Variants in MYO15A observed in about 807,000 individuals in gnomAD.
MYO15A encodes the protein unconventional myosin-XV.
A neutral mutation model predicts 394.6 loss-of-function variants in MYO15A; 308 were observed. That is an observed-to-expected ratio of 0.78 (90% CI 0.71 to 0.86). MYO15A has a LOEUF of 0.86. Ranked by LOEUF, MYO15A falls within the 40% of genes least tolerant of loss-of-function variation. MYO15A has a pLI of 0.00. For synonymous variants in MYO15A, 1,957 were observed against 2,003.8 expected (o/e 0.98, Z 0.62); for missense variants, 4,606 against 4,799.1 (o/e 0.96, Z 1.19).
chr17:18,141,276 C>A, intron 22 of MYO15A, 133 bp downstream of exon 22: 1 of 1,323,596 alleles, frequency 7.6e-7, no homozygotes, highest in African/African-American at 1.4e-5. Flanking sequence ...ACAAGGCTAC[C>A]ACATGCTAAC....
chr17:18,157,683 G>T, intron 50 of MYO15A, 39 bp from the exon 51 acceptor site: 5 of 1,602,108 alleles, frequency 3.1e-6, no homozygotes, highest in Non-Finnish European at 3.4e-6. Context: ...CACAAGACAA[G>T]ACCCTCCTGT....
Position 18,139,560 on chromosome 17 carries a change from C to G in MYO15A, c.5160C>G (p.His1720Gln), listed in dbSNP as rs769283348. 5.6e-5 allele frequency: 90 copies of G among 1,614,074 alleles called. No individual in the cohort carries two copies. The highest frequency in any genetic ancestry group is 1.1e-5 in the South Asian group (1 of 91,066). The change falls in exon 19 of 66, where the codon CAC (histidine) becomes CAG (glutamine). Residue 1720 changes from histidine (H) to glutamine (Q), a missense_variant. This residue lies in a region of MYO15A where 2,776 missense variants were observed against 3,109.3 expected (regional missense o/e 0.89). Coordinates refer to ENST00000647165, the MANE Select transcript of MYO15A (RefSeq NM_016239.4). ...YQVHKFLDKN[H>Q]DQVRQDVLDL... ...TGCACAAGTTCCTGGACAAGAACCA[C>G]GACCAAGTGCGCCAGGATGTGCTGG...
Position 18,171,742 on chromosome 17 carries a change from G to A in MYO15A, c.10187G>A (p.Ser3396Asn). The change falls in exon 63 of 66, where the codon AGC becomes AAC. Residue 3396 changes from serine to asparagine, a missense_variant. By Grantham distance (46) the Ser-to-Asn change is conservative (BLOSUM62 1). This residue lies in a region of MYO15A where 2,776 missense variants were observed against 3,109.3 expected (regional missense o/e 0.89). Coordinates refer to ENST00000647165, the MANE Select transcript of MYO15A (RefSeq NM_016239.4). ...SQHRQQTQAL[S>N]PHQARAQFLG... ...CACCGGCAGCAGACACAGGCGCTCA[G>A]CCCCCACCAGGCCCGTGCCCAGTTT... 1 of 1,611,822 alleles carries A rather than the reference G, an allele frequency of 6.2e-7. No individual in the cohort carries two copies. Among genetic ancestry groups the A allele is most frequent in the Non-Finnish European group, 8.5e-7 (1 of 1,179,962 alleles).
At chr17:18,122,713 C>A (rs1454315575) in intron 2 of MYO15A, 3 of 376,648 alleles carry the variant, frequency 8.0e-6, no homozygotes, top group Non-Finnish European at 1.4e-5. Context: ...CTGATCCAAT[C>A]TGGATGACAG....
In MYO15A at chr17:18,120,557, T is replaced by A; in HGVS notation, c.1757T>A (p.Ile586Asn). The change falls in exon 2 of 66, where the codon ATC (isoleucine) becomes AAC (asparagine). Residue 586 changes from isoleucine to asparagine, a missense_variant. Ile to Asn is a moderately radical substitution (Grantham distance 149). Coordinates refer to ENST00000647165, the MANE Select transcript of MYO15A (RefSeq NM_016239.4). The stretch of plus-strand genomic sequence containing the variant: ...AAGACGCTGTCGGAGAAGAAGCCCA[T>A]CGCGCGGCTCAGGGGCAGCCAGAAG... ...LKKTLSEKKPIARLRGSQKAR... is the reference protein window; with the variant it reads ...LKKTLSEKKPNARLRGSQKAR... 3 of 1,598,486 alleles carry A rather than the reference T, an allele frequency of 1.9e-6. No individual in the cohort carries two copies. The highest frequency in any genetic ancestry group is 1.7e-5 in the Admixed American group (1 of 58,910).
At position 18,149,502 on chromosome 17, in the gene MYO15A, A is replaced by G. The variant is rs2046541542; in HGVS notation, c.7134A>G (p.Gly2378=). Residue 2378 remains glycine, a synonymous_variant, in exon 35 of 66, where the codon GGA becomes GGG. Transcript: ENST00000647165. ...CCCCTCCAGAGTCAGACAGTCTTGGAGAGCCTGCTGTGCCCCACAAGGGGC... is the reference window on the plus strand; with the variant it reads ...CCCCTCCAGAGTCAGACAGTCTTGGGGAGCCTGCTGTGCCCCACAAGGGGC... ...TATHQESDSL[G]EPAVPHKGLD... is the part of the protein sequence containing the mutation. 3.7e-6 allele frequency: 6 copies of G among 1,614,204 alleles called. No individual in the cohort carries two copies. Among genetic ancestry groups the G allele is most frequent in the Non-Finnish European group, 5.1e-6 (6 of 1,180,028 alleles).
chr17:18,151,827 A>G lies in MYO15A; in HGVS notation c.7788-19A>G. On this transcript the variant is annotated intron_variant, in intron 40 of 65. Transcript: ENST00000647165. ...GGGAGACTCAGTGTCAACCCACCAC[A>G]GTACTCCAATGCCCACAGGAAGGAT... is the stretch of plus-strand genomic sequence containing the variant. The G allele has an allele frequency of 1.3e-6, 2 of 1,563,446 alleles. No homozygotes were observed.
intron 53 of MYO15A, 95 bp from the exon 54 acceptor site, chr17:18,159,180 C>G: frequency 6.7e-7 from 1 of 1,483,428 alleles, no homozygotes; most frequent in Non-Finnish European, 9.4e-7. Flanking sequence ...GTGACGTGGA[C>G]CCTCCTGTTA....
intron 60 of MYO15A, among the ~76,000 whole-genome samples, chr17:18,165,627 G>A (rs189688448): frequency 1.4e-4 from 21 of 152,338 alleles, no homozygotes; most frequent in African/African-American, 4.6e-4. Context: ...AATCACATGT[G>A]CAGAGTGCCT....
In MYO15A at chr17:18,151,818, ACCCACCACAGTACTCCAATGCC is replaced by A; in HGVS notation, c.7788-26_7788-5del. The A allele has an allele frequency of 6.4e-7, 1 of 1,553,034 alleles. No homozygotes were observed. The highest frequency in any genetic ancestry group is 1.2e-5 in the South Asian group (1 of 84,472). The stretch of plus-strand genomic sequence containing the variant: ...GATGGGAAAGGGAGACTCAGTGTCA[ACCCACCACAGTACTCCAATGCC>A]CACAGGAAGGATGGCGGGAAAGTGT... On this transcript the variant is annotated splice_polypyrimidine_tract_variant and splice_region_variant and intron_variant, in intron 40 of 65. Coordinates refer to ENST00000647165, the MANE Select transcript of MYO15A (RefSeq NM_016239.4).
chr17:18,134,098 C>T (rs1167112779), intron 12 of MYO15A, among the ~76,000 whole-genome samples: 1 of 151,942 alleles, frequency 6.6e-6, no homozygotes, highest in Non-Finnish European at 1.5e-5. Flanking sequence ...CAAGCGATTC[C>T]CCTGCCTCAA....
rs2046856919 is a variant in MYO15A at position 18,166,475 on chromosome 17, C to T, written c.9902C>T (p.Pro3301Leu). ...LWFRRVLWDQ[P>L]LKFENELYVT... ...TTCCGGCGTGTGCTCTGGGATCAGCCACTCAAGTTCGAGAATGAGCTATAT... is the reference window on the plus strand; with the variant it reads ...TTCCGGCGTGTGCTCTGGGATCAGCTACTCAAGTTCGAGAATGAGCTATAT... The change falls in exon 61 of 66, where the codon CCA (proline) becomes CTA (leucine). Residue 3301 changes from proline to leucine, a missense_variant. Physicochemically the swap from Pro to Leu is moderately conservative, Grantham distance 98 (BLOSUM62 -3). Coordinates refer to ENST00000647165, the MANE Select transcript of MYO15A (RefSeq NM_016239.4). 6.2e-7 allele frequency: 1 copy of T among 1,614,064 alleles called. No homozygotes were observed. Among genetic ancestry groups the T allele is most frequent in the Non-Finnish European group, 8.5e-7 (1 of 1,180,042 alleles).
At chr17:18,124,411 G>T in intron 2 of MYO15A, 72 bp from the exon 3 acceptor site, 2 of 1,528,260 alleles carry the variant, frequency 1.3e-6, no homozygotes, top group South Asian at 2.3e-5. Context: ...CCCCAGGTAT[G>T]ACCAAGCCAG....
At position 18,143,604 on chromosome 17, in the gene MYO15A, G is replaced by T; in HGVS notation, c.5949G>T (p.Leu1983=). 6.4e-7 allele frequency: 1 copy of T among 1,566,724 alleles called. No homozygotes were observed. The highest frequency in any genetic ancestry group is 8.7e-7 in the Non-Finnish European group (1 of 1,155,250). Residue 1983 remains leucine (L), a synonymous_variant, in exon 26 of 66, where the codon CTG becomes CTT. Coordinates refer to ENST00000647165, the MANE Select transcript of MYO15A (RefSeq NM_016239.4). ...AEWRCQVEGA[L]LWEQEELSKR... ...GGAGGTGCCAGGTGGAGGGGGCGCT[G>T]CTGTGGGAGCAGGAGGTGGGTGTGG...
chr17:18,162,907 G>A (rs1412028786), intron 58 of MYO15A, among the ~76,000 whole-genome samples: 2 of 152,204 alleles, frequency 1.3e-5, no homozygotes, highest in African/African-American at 4.8e-5. Flanking sequence ...GGCTAAGGCA[G>A]GAGAATTACT....
intron 7 of MYO15A, among the ~76,000 whole-genome samples, chr17:18,127,832 A>AATATAT (rs1240956412): frequency 4.9e-5 from 2 of 40,564 alleles, no homozygotes; most frequent in African/African-American, 1.5e-4. Flanking sequence ...AAGAAAAAAA[A>AATATAT]AGATATATAT....
At chr17:18,124,004 G>A in intron 2 of MYO15A, 1 of 221,296 alleles carries the variant, frequency 4.5e-6, no homozygotes, top group Non-Finnish European at 9.3e-6. Flanking sequence ...ATTGAGTGTG[G>A]GTCCATATGC....
At chr17:18,172,768 A>AT (rs2046960957) in intron 64 of MYO15A, 1 of 273,044 alleles carries the variant, frequency 3.7e-6, no homozygotes, top group African/African-American at 2.2e-5. Flanking sequence ...ATTTCCTCTT[A>AT]TAAGGACATC....
rs528693213 is a variant in MYO15A, at chr17:18,114,617, G to A, written c.-219-3965G>A. 9.8e-4 allele frequency among the ~76,000 whole-genome samples: 149 copies of A among 152,172 alleles called. 1 individual carries two copies. The highest frequency in any genetic ancestry group is 3.3e-3 in the African/African-American group (137 of 41,514). ...CTTCCCTTGCCCCTGCTACTGTACT[G>A]GGACCATTCTTGTCACAGTCACCCC... is the stretch of plus-strand genomic sequence containing the variant. On this transcript the variant is annotated intron_variant, in intron 1 of 65. Transcript: ENST00000647165.
Sources: gnomAD v4.1 joint callset for allele counts (sites outside exome capture counted in the v4.1 genomes callset) on GRCh38, gnomAD v4.1.1 for gene constraint, gnomAD v4.1.1 regional missense constraint, MANE v1.5 for transcripts, NCBI Gene and HGNC (gene_info 2026-07-23, HGNC 2026-07-21) for gene names.